CPNE6: variants seen among roughly 807,000 people sequenced by gnomAD.
The protein encoded by CPNE6 is copine 6.
Under a neutral mutation model 71.5 loss-of-function variants are expected in CPNE6, and 33 were observed. The observed-to-expected ratio is 0.46, with a 90% CI of 0.35 to 0.62. The LOEUF is 0.62. Ranked by LOEUF, CPNE6 falls within the 20% of genes least tolerant of loss-of-function variation. The pLI is 0.00. For synonymous variants in CPNE6, 296 were observed against 293.0 expected, an observed-to-expected ratio of 1.01 and a Z score of -0.10; for missense variants, 576 against 747.3, an observed-to-expected ratio of 0.77 and a Z score of 2.67.
chr14:24,072,894 C>T (rs1196160585), intron 2 of CPNE6, 39 bp from the exon 2 acceptor site: 15 of 1,462,358 alleles, frequency 1.0e-5, no homozygotes, highest in Non-Finnish European at 1.3e-5. Context: ...GGCAGGTGTT[C>T]CCTTTCCAGA....
chr14:24,071,539 G>A (rs1194261621), exon 2 of CPNE6: 49 of 784,452 alleles, frequency 6.2e-5, no homozygotes, highest in Non-Finnish European at 7.5e-5. Flanking sequence ...CCCATAAATA[G>A]CAGCAGAGCC....
In CPNE6 at chr14:24,077,026, G is replaced by A. The variant is rs1264433140; in HGVS notation, c.1299+14G>A. The A allele has an allele frequency of 6.2e-7, 1 of 1,608,054 alleles. No homozygotes were observed. The highest frequency in any genetic ancestry group is 2.2e-5 in the East Asian group (1 of 44,874). On this transcript the variant is annotated intron_variant, in intron 15 of 17. Coordinates refer to ENST00000397016, the Ensembl canonical transcript of CPNE6. The surrounding 1 kb of genome is among the most constrained non-coding windows in gnomAD (Gnocchi z 6.1). ...GGCCAAGCCACGGTAGGAAGACATG[G>A]CGGGCAAACAGGAGCTGTCCCATGT...
In CPNE6 at chr14:24,075,730, A is replaced by C. The variant is rs1417912043; in HGVS notation, c.865-97A>C. On this transcript the variant is annotated intron_variant, in intron 10 of 17. Transcript: ENST00000397016. This position sits in a 1 kb window ranked among gnomAD's most constrained non-coding sequence, Gnocchi z 4.3. Reference sequence around the variant, plus strand: ...ACCACCCCCAACTGCAACCCAAAAAACTCTGGCTCCCCCATGTTCCCCACA... The same window carrying C: ...ACCACCCCCAACTGCAACCCAAAAACCTCTGGCTCCCCCATGTTCCCCACA... 7.2e-7 allele frequency: 1 copy of C among 1,393,876 alleles called. No individual in the cohort carries two copies. The highest frequency in any genetic ancestry group is 1.0e-6 in the Non-Finnish European group (1 of 992,636). 86.3% of individuals were successfully genotyped at this position (1,393,876 alleles called of 1,614,324 possible). A position where few individuals can be genotyped will look rare whatever the true frequency, so the allele number is the denominator to read the frequency against.
chr14:24,077,128 C>G lies in CPNE6; in HGVS notation c.1300-26C>G. ...AACGCCCTTGCACACAAAGCCAACC[C>G]TTCCACCCTCTCTGCTTGCCCTCAG... On this transcript the variant is annotated intron_variant, in intron 15 of 17. Transcript: ENST00000397016. The surrounding 1 kb of genome is among the most constrained non-coding windows in gnomAD (Gnocchi z 6.1). The G allele has an allele frequency of 6.3e-7, 1 of 1,596,340 alleles. No homozygotes were observed.
rs1364669532 is a variant in CPNE6, at chr14:24,077,857, G to A, written c.*38-31G>A. The A allele has an allele frequency of 9.2e-7, 1 of 1,082,972 alleles. No individual in the cohort carries two copies. Among genetic ancestry groups the A allele is most frequent in the African/African-American group, 1.6e-5 (1 of 62,814 alleles). The allele number at this position is 1,082,972 out of a possible 1,614,324, so 67.1% of individuals were successfully genotyped here. A position where few individuals can be genotyped will look rare whatever the true frequency, so the allele number is the denominator to read the frequency against. On this transcript the variant is annotated intron_variant, in intron 17 of 17. Coordinates refer to ENST00000397016, the Ensembl canonical transcript of CPNE6. This position sits in a 1 kb window ranked among gnomAD's most constrained non-coding sequence, Gnocchi z 6.1. ...ACTAGGCTGGGTGTAGTGTAGAAGA[G>A]AGTGCTTATGACTCTCCCACCCCCT... is the stretch of plus-strand genomic sequence containing the variant.
chr14:24,073,038 G>T lies in CPNE6; in HGVS notation c.102G>T (p.Arg34=). The T allele has an allele frequency of 6.4e-7, 1 of 1,571,526 alleles. No individual in the cohort carries two copies. The change falls in exon 3 of 18, where the codon CGG becomes CGT. Residue 34 remains arginine (R), a synonymous_variant. Coordinates refer to ENST00000397016, the Ensembl canonical transcript of CPNE6. This position sits in a 1 kb window ranked among gnomAD's most constrained non-coding sequence, Gnocchi z 5.5. ...TGTCCTGCCATGGCCTCCTGGACCG[G>T]GACACACTCACCAAACCCCACCCCT...
chr14:24,076,043 G>C (rs1470990130), intron 11 of CPNE6, 106 bp from the exon 11 acceptor site: 1 of 1,533,912 alleles, frequency 6.5e-7, no homozygotes, highest in Admixed American at 1.7e-5. Flanking sequence ...GCTACCTGTA[G>C]CCTCCCCACC....
Position 24,074,351 on chromosome 14 carries a change from A to C in CPNE6, c.484A>C (p.Lys162Gln). Residue 162 changes from lysine (K) to glutamine (Q), a missense_variant, in exon 6 of 18, where the codon AAG (lysine) becomes CAG (glutamine). By Grantham distance (53) the Lys-to-Gln change is moderately conservative. This residue lies in a region of CPNE6 where 214 missense variants were observed against 291.2 expected (regional missense o/e 0.73). Transcript: ENST00000397016. The surrounding 1 kb of genome is among the most constrained non-coding windows in gnomAD (Gnocchi z 4.5). ...TGTGCAACTCACCTTCAGAGCCTAC[A>C]AGCTGGACAACAAGGTTGGAACCCC... 1.3e-6 allele frequency: 2 copies of C among 1,557,544 alleles called. No homozygotes were observed. The highest frequency in any genetic ancestry group is 1.7e-6 in the Non-Finnish European group (2 of 1,152,482).
chr14:24,076,399 C>T (rs1203976450), exon 13 of CPNE6: 6 of 1,614,010 alleles, frequency 3.7e-6, no homozygotes, highest in South Asian at 1.1e-5. Context: ...GGGCTCGAAT[C>T]CCCCCCAACT....
Position 24,075,236 on chromosome 14 carries a change from T to C in CPNE6, c.737T>C (p.Phe246Ser), listed in dbSNP as rs200954701. 3 of 1,613,980 alleles carry C rather than the reference T, an allele frequency of 1.9e-6. No individual in the cohort carries two copies. The highest frequency in any genetic ancestry group is 2.5e-6 in the Non-Finnish European group (3 of 1,180,020). ...TTCATCGGCGAGTTCACCAGCACTTTCCAGGAGATGCAGGAAGGGACGGCA... is the reference window on the plus strand; with the variant it reads ...TTCATCGGCGAGTTCACCAGCACTTCCCAGGAGATGCAGGAAGGGACGGCA... Residue 246 changes from phenylalanine to serine, a missense_variant, in exon 9 of 18, where the codon TTC (phenylalanine) becomes TCC (serine). By Grantham distance (155) the Phe-to-Ser change is radical (BLOSUM62 -2). Coordinates refer to ENST00000397016, the Ensembl canonical transcript of CPNE6. This position sits in a 1 kb window ranked among gnomAD's most constrained non-coding sequence, Gnocchi z 4.3.
Position 24,077,846 on chromosome 14 carries a change from A to G in CPNE6, c.*38-42A>G. Reference sequence around the variant, plus strand: ...GGTAGAGCCCAACTAGGCTGGGTGTAGTGTAGAAGAGAGTGCTTATGACTC... The same window carrying G: ...GGTAGAGCCCAACTAGGCTGGGTGTGGTGTAGAAGAGAGTGCTTATGACTC... On this transcript the variant is annotated intron_variant, in intron 17 of 17. Transcript: ENST00000397016. This position sits in a 1 kb window ranked among gnomAD's most constrained non-coding sequence, Gnocchi z 6.1. 8.5e-7 allele frequency: 1 copy of G among 1,178,496 alleles called. No individual in the cohort carries two copies. Among genetic ancestry groups the G allele is most frequent in the South Asian group, 2.0e-5 (1 of 50,216 alleles). 73.0% of individuals were successfully genotyped at this position (1,178,496 alleles called of 1,614,324 possible).
At chr14:24,071,775 A>C in intron 2 of CPNE6, 134 bp downstream of exon 1, 1 of 542,632 alleles carries the variant, frequency 1.8e-6, no homozygotes, top group Non-Finnish European at 3.3e-6. Context: ...GCCCCTGCCT[A>C]TCTCGGGGAC....
chr14:24,073,827 G>T lies in CPNE6; in HGVS notation c.348+149G>T. 1.1e-6 allele frequency: 1 copy of T among 925,760 alleles called. No individual in the cohort carries two copies. Among genetic ancestry groups the T allele is most frequent in the South Asian group, 1.7e-5 (1 of 60,010 alleles). The allele number at this position is 925,760 out of a possible 1,614,324, so 57.3% of individuals were successfully genotyped here. On this transcript the variant is annotated intron_variant, in intron 4 of 17. Coordinates refer to ENST00000397016, the Ensembl canonical transcript of CPNE6. The surrounding 1 kb of genome is among the most constrained non-coding windows in gnomAD (Gnocchi z 5.5). ...CCATTCACTAGCTGTGCAGCCTCAGGAAAGATACTTAACCTCTCTGAGTCT... is the reference window on the plus strand; with the variant it reads ...CCATTCACTAGCTGTGCAGCCTCAGTAAAGATACTTAACCTCTCTGAGTCT...
chr14:24,073,776 C>A lies in CPNE6; in HGVS notation c.348+98C>A. 1 of 1,335,208 alleles carries A rather than the reference C, an allele frequency of 7.5e-7. No individual in the cohort carries two copies. Among genetic ancestry groups the A allele is most frequent in the Non-Finnish European group, 1.0e-6 (1 of 974,000 alleles). The allele number at this position is 1,335,208 out of a possible 1,614,324, so 82.7% of individuals were successfully genotyped here. A position where few individuals can be genotyped will look rare whatever the true frequency, so the allele number is the denominator to read the frequency against. ...GAAAACATGAGCTCTAGAGCTAGTT[C>A]AACCCAGCCTTGGCTCCCATCTCTG... On this transcript the variant is annotated intron_variant, in intron 4 of 17. Coordinates refer to ENST00000397016, the Ensembl canonical transcript of CPNE6. This position sits in a 1 kb window ranked among gnomAD's most constrained non-coding sequence, Gnocchi z 5.5.
chr14:24,072,760 TCTG>T, intron 2 of CPNE6, 170 bp from the exon 2 acceptor site: 1 of 508,012 alleles, frequency 2.0e-6, no homozygotes, highest in Non-Finnish European at 3.2e-6. Flanking sequence ...GCTCAGGTCC[TCTG>T]CCCTCCCCTG....
Position 24,073,784 on chromosome 14 carries a change from C to T in CPNE6, c.348+106C>T. The T allele has an allele frequency of 8.1e-7, 1 of 1,236,706 alleles. No individual in the cohort carries two copies. The highest frequency in any genetic ancestry group is 1.5e-5 in the South Asian group (1 of 67,524). 76.6% of individuals were successfully genotyped at this position (1,236,706 alleles called of 1,614,324 possible). A position where few individuals can be genotyped will look rare whatever the true frequency, so the allele number is the denominator to read the frequency against. ...GAGCTCTAGAGCTAGTTCAACCCAG[C>T]CTTGGCTCCCATCTCTGCCATTCAC... On this transcript the variant is annotated intron_variant, in intron 4 of 17. Coordinates refer to ENST00000397016, the Ensembl canonical transcript of CPNE6. The surrounding 1 kb of genome is among the most constrained non-coding windows in gnomAD (Gnocchi z 5.5).
Position 24,077,336 on chromosome 14 carries a change from G to A in CPNE6, c.1482G>A (p.Gly494=). The A allele has an allele frequency of 6.2e-7, 1 of 1,613,878 alleles. No homozygotes were observed. The highest frequency in any genetic ancestry group is 8.5e-7 in the Non-Finnish European group (1 of 1,179,994). ...ACGGCCCCTTGCGCTGCCCCCGAGG[G>A]GTGCCTGCAGCCCGAGACATTGTCC... Residue 494 remains glycine (G), a synonymous_variant, in exon 16 of 18, where the codon GGG becomes GGA. Transcript: ENST00000397016. The surrounding 1 kb of genome is among the most constrained non-coding windows in gnomAD (Gnocchi z 6.1).
In CPNE6 at chr14:24,077,118, A is replaced by G; in HGVS notation, c.1300-36A>G. ...AAACGGTGTCAACGCCCTTGCACAC[A>G]AAGCCAACCCTTCCACCCTCTCTGC... On this transcript the variant is annotated intron_variant, in intron 15 of 17. Transcript: ENST00000397016. This position sits in a 1 kb window ranked among gnomAD's most constrained non-coding sequence, Gnocchi z 6.1. 1 of 1,594,772 alleles carries G rather than the reference A, an allele frequency of 6.3e-7. No individual in the cohort carries two copies. The highest frequency in any genetic ancestry group is 8.5e-7 in the Non-Finnish European group (1 of 1,174,658).
intron 1 of CPNE6, chr14:24,071,126 T>C (rs529404107): frequency 2.1e-5 from 28 of 1,307,542 alleles, no homozygotes; most frequent in African/African-American, 2.0e-4. Context: ...TTGAAAGTGA[T>C]GTGAGAAGGG....
Sources: allele counts gnomAD v4.1 joint callset, GRCh38; gene constraint gnomAD v4.1.1; regional missense constraint gnomAD v4.1.1; non-coding constraint Gnocchi (gnomAD v3.1); transcripts MANE v1.5; gene names NCBI Gene and HGNC (gene_info 2026-07-23, HGNC 2026-07-21).